THBS4: variants seen among roughly 807,000 people sequenced by gnomAD.
The protein encoded by THBS4 is thrombospondin-4.
Under a neutral mutation model 115.7 loss-of-function variants are expected in THBS4, and 90 were observed. The ratio of observed to expected loss-of-function variants is 0.78; its 90% CI spans 0.66 to 0.93. The LOEUF is 0.93. Among genes scored for constraint, THBS4 ranks in the 40% least tolerant of loss-of-function variants. The probability of loss-of-function intolerance (pLI) is 0.00; values close to 1 mark genes in which losing one functional copy is unlikely to be tolerated. For missense variants in THBS4, 1,087 were observed against 1,232.7 expected, an observed-to-expected ratio of 0.88 and a Z score of 1.77; for synonymous variants, 460 against 479.3, an observed-to-expected ratio of 0.96 and a Z score of 0.53.
At chr5:80,052,523 T>C (rs987681360) in intron 2 of THBS4, 2 of 152,240 alleles carry the variant, frequency 1.3e-5, no homozygotes, top group African/African-American at 4.8e-5. Flanking sequence ...AACTTAGTAT[T>C]GTTCTGGAAT....
At position 79,994,963 on chromosome 5, in the gene THBS4, C is replaced by T. The variant is rs541057153; in HGVS notation, n.82-3369C>T. Among the ~76,000 whole-genome samples, 3 of 152,214 alleles carry T rather than the reference C, an allele frequency of 2.0e-5. No homozygotes were observed. The East Asian group carries it at 5.8e-4, about 29-fold the overall frequency. ...GATAGCTGATCTCGAAGGGTGGGTA[C>T]GTTGCATTTAGATTGGCACAGAGTA... On this transcript the variant is annotated intron_variant and non_coding_transcript_variant, in intron 1 of 3. Coordinates refer to the THBS4 transcript ENST00000510218.
intron 1 of THBS4, among the ~76,000 whole-genome samples, chr5:79,992,388 C>A (rs954568398): frequency 1.3e-5 from 2 of 152,164 alleles, no homozygotes; most frequent in Admixed American, 6.5e-5. Flanking sequence ...CAAAAGAAAC[C>A]TCTGCAACTT....
At chr5:80,035,154 A>C (rs1433939182), upstream of THBS4, among the ~76,000 whole-genome samples, 1 of 150,918 alleles carries the variant, frequency 6.6e-6, no homozygotes, top group Non-Finnish European at 1.5e-5. The surrounding 1 kb of genome is among the most constrained non-coding windows in gnomAD (Gnocchi z 4.6). Flanking sequence ...CCGTGTCTAC[A>C]CCCACCCCAG....
At chr5:80,037,095 T>C (rs1247983326) in intron 1 of THBS4, among the ~76,000 whole-genome samples, 1 of 152,222 alleles carries the variant, frequency 6.6e-6, no homozygotes, top group Non-Finnish European at 1.5e-5. Context: ...AAAAGTCTTA[T>C]TGTGATGATA....
chr5:80,077,179 C>A, intron 16 of THBS4, 131 bp downstream of exon 16: 1 of 848,332 alleles, frequency 1.2e-6, no homozygotes, highest in Admixed American at 2.8e-5. Context: ...CTACACCCAG[C>A]TTCTCTGCAT....
chr5:79,998,852 C>T (rs552309505), intron 2 of THBS4, among the ~76,000 whole-genome samples: 4 of 152,300 alleles, frequency 2.6e-5, no homozygotes, highest in African/African-American at 4.8e-5. Context: ...CTTTGTATTT[C>T]GGACATCTTT....
At chr5:80,056,661 G>A (rs1057034344) in intron 3 of THBS4, among the ~76,000 whole-genome samples, 10 of 152,120 alleles carry the variant, frequency 6.6e-5, no homozygotes, top group African/African-American at 2.4e-4. Flanking sequence ...GCTAGGCAGT[G>A]CTTTGTTTTC....
intron 15 of THBS4, among the ~76,000 whole-genome samples, chr5:80,075,032 G>A (rs951821143): frequency 1.3e-5 from 2 of 152,132 alleles, no homozygotes; most frequent in African/African-American, 4.8e-5. Flanking sequence ...TGTAATATCT[G>A]CATATAACCT....
At chr5:80,034,569 CTACTCCCG>C (rs1832651150), upstream of THBS4, among the ~76,000 whole-genome samples, 1 of 152,156 alleles carries the variant, frequency 6.6e-6, no homozygotes, top group African/African-American at 2.4e-5. Flanking sequence ...CTTTCAAGTT[CTACTCCCG>C]TACCTTTAAA....
At chr5:80,035,248 C>T (rs536980982), upstream of THBS4, 176 of 156,358 alleles carry the variant, frequency 1.1e-3, no homozygotes, top group African/African-American at 4.1e-3. This position sits in a 1 kb window ranked among gnomAD's most constrained non-coding sequence, Gnocchi z 4.6. Context: ...AGCTGCCCAG[C>T]TCTTCCCAGG....
At chr5:80,042,846 G>A (rs440272) in intron 2 of THBS4, among the ~76,000 whole-genome samples, 100 of 152,144 alleles carry the variant, frequency 6.6e-4, no homozygotes, top group Non-Finnish European at 1.1e-3. Context: ...TGTGCCTATA[G>A]TCACAGCTAC....
intron 20 of THBS4, among the ~76,000 whole-genome samples, chr5:80,081,068 T>C (rs1743482118): frequency 1.3e-5 from 2 of 152,190 alleles, no homozygotes; most frequent in Non-Finnish European, 2.9e-5. Flanking sequence ...GTCTTTGAAA[T>C]GTAGATAGTG....
Position 80,055,881 on chromosome 5 carries a change from G to A in THBS4, c.389G>A (p.Arg130Lys), listed in dbSNP as rs1833409775. The A allele has an allele frequency of 6.2e-7, 1 of 1,614,222 alleles. No individual in the cohort carries two copies. Among genetic ancestry groups the A allele is most frequent in the South Asian group, 1.1e-5 (1 of 91,086 alleles). ...ADGRRHRILL[R>K]LSNLQRGAGS... is the part of the protein sequence containing the mutation. Reference sequence around the variant, plus strand: ...GGAAGGCGGCACAGGATCCTCCTGAGGCTGAGCAATTTGCAGCGAGGGGCC... The same window carrying A: ...GGAAGGCGGCACAGGATCCTCCTGAAGCTGAGCAATTTGCAGCGAGGGGCC... The change falls in exon 3 of 22, where the codon AGG becomes AAG. Residue 130 changes from arginine (R) to lysine (K), a missense_variant. Coordinates refer to ENST00000350881, the MANE Select transcript of THBS4 (RefSeq NM_003248.6).
chr5:79,999,933 C>T (rs1193747326), intron 2 of THBS4, among the ~76,000 whole-genome samples: 3 of 152,150 alleles, frequency 2.0e-5, no homozygotes, highest in Non-Finnish European at 4.4e-5. Flanking sequence ...GAGGAAAGAA[C>T]AGGGTCCAAT....
intron 2 of THBS4, among the ~76,000 whole-genome samples, chr5:80,023,241 T>A (rs1361498815): frequency 6.6e-6 from 1 of 152,214 alleles, no homozygotes; most frequent in Non-Finnish European, 1.5e-5. Flanking sequence ...GAACTCTATT[T>A]GTCTCATCTC....
chr5:80,055,932 G>GC lies in THBS4; in HGVS notation c.441dup (p.Ile148HisfsTer21). On this transcript the variant is annotated frameshift_variant, in exon 3 of 22. Transcript: ENST00000350881. LOFTEE classifies it high-confidence loss of function. ...GGCTCCCTAGAGCTCTACCTGGACT[G>GC]CATCCAGGTGGATTCCGTTCACAAT... 6.2e-7 allele frequency: 1 copy of GC among 1,614,218 alleles called. No homozygotes were observed. Among genetic ancestry groups the GC allele is most frequent in the South Asian group, 1.1e-5 (1 of 91,088 alleles).
chr5:80,016,078 A>T (rs1832239796), intron 2 of THBS4, among the ~76,000 whole-genome samples: 1 of 152,176 alleles, frequency 6.6e-6, no homozygotes, highest in Non-Finnish European at 1.5e-5. Flanking sequence ...CCTGGACAGT[A>T]TTCACGCATC....
At chr5:80,057,085 G>T (rs1008897938) in intron 3 of THBS4, among the ~76,000 whole-genome samples, 19 of 152,068 alleles carry the variant, frequency 1.2e-4, no homozygotes, top group African/African-American at 4.6e-4. Context: ...TATATAGAGA[G>T]ATTTTTAATG....
intron 2 of THBS4, among the ~76,000 whole-genome samples, chr5:80,053,823 C>A (rs547646103): frequency 5.9e-5 from 9 of 152,240 alleles, no homozygotes; most frequent in Non-Finnish European, 1.2e-4. Flanking sequence ...CTCGGCCTCC[C>A]AAAGTGCTGG....
Sources: gnomAD v4.1 joint callset for allele counts (sites outside exome capture counted in the v4.1 genomes callset) on GRCh38, gnomAD v4.1.1 for gene constraint, Gnocchi (gnomAD v3.1) non-coding constraint, MANE v1.5 for transcripts, NCBI Gene and HGNC (gene_info 2026-07-23, HGNC 2026-07-21) for gene names.